GUCY1A2: variants seen among roughly 807,000 people sequenced by gnomAD.
GUCY1A2 encodes guanylate cyclase soluble subunit alpha-2.
In GUCY1A2, 27 loss-of-function variants were observed where a neutral mutation model predicts 63.5. The observed-to-expected ratio is 0.43, with a 90% CI of 0.31 to 0.59. GUCY1A2 has a LOEUF of 0.59. GUCY1A2 is among the 20% of genes least tolerant of loss of function. The pLI, the probability that GUCY1A2 is intolerant of heterozygous loss-of-function variation, is 0.11. For synonymous variants in GUCY1A2, 364 were observed against 343.5 expected (o/e 1.06, Z -0.66); for missense variants, 768 against 913.3 (o/e 0.84, Z 2.05).
chr11:106,965,325 T>G (rs1163093429), intron 3 of GUCY1A2, among the ~76,000 whole-genome samples: 3 of 152,170 alleles, frequency 2.0e-5, no homozygotes, highest in African/African-American at 7.2e-5. Flanking sequence ...ATTATAGACT[T>G]TAGCAAGGTA....
chr11:106,709,212 TTATA>T (rs902219292), intron 6 of GUCY1A2, among the ~76,000 whole-genome samples: 1 of 117,816 alleles, frequency 8.5e-6, no homozygotes, highest in Admixed American at 1.1e-4. Flanking sequence ...TACATGTATA[TTATA>T]TATAGTTATT....
intron 4 of GUCY1A2, among the ~76,000 whole-genome samples, chr11:106,886,612 C>A (rs1859903784): frequency 6.6e-6 from 1 of 151,778 alleles, no homozygotes; most frequent in Non-Finnish European, 1.5e-5. Context: ...TAAATATATA[C>A]AAATATTTAT....
intron 3 of GUCY1A2, among the ~76,000 whole-genome samples, chr11:106,958,033 G>T (rs530593574): frequency 3.8e-4 from 58 of 152,174 alleles, no homozygotes; most frequent in African/African-American, 1.3e-3. Flanking sequence ...GATGTTAAGA[G>T]TGACAGAAAT....
intron 1 of GUCY1A2, among the ~76,000 whole-genome samples, chr11:107,016,884 G>A (rs1247983241): frequency 6.6e-6 from 1 of 152,180 alleles, no homozygotes; most frequent in African/African-American, 2.4e-5. Context: ...AGGTACAGGT[G>A]CAAGAAGTAC....
In GUCY1A2 at chr11:106,801,823, C is replaced by T. The variant is rs10047452; in HGVS notation, c.1692+8170G>A. On this transcript the variant is annotated intron_variant, in intron 5 of 7. Coordinates refer to ENST00000526355, the MANE Select transcript of GUCY1A2 (RefSeq NM_000855.3). ...TGCATGCCTGTATCAAAACATCTCA[C>T]GTACTCCATAAATACATACTCCTAC... Among the ~76,000 whole-genome samples, 1,147 of 152,174 alleles carry T rather than the reference C, an allele frequency of 7.5e-3. 21 individuals carry two copies. Among genetic ancestry groups the T allele is most frequent in the African/African-American group, 0.026 (1,092 of 41,516 alleles).
chr11:106,954,280 T>C (rs998498806), intron 3 of GUCY1A2, among the ~76,000 whole-genome samples: 2 of 152,198 alleles, frequency 1.3e-5, no homozygotes, highest in African/African-American at 4.8e-5. Context: ...CCGGGAGTCA[T>C]TCAGGAACAA....
chr11:106,991,875 A>G (rs1364069910), intron 1 of GUCY1A2, among the ~76,000 whole-genome samples: 1 of 152,364 alleles, frequency 6.6e-6, no homozygotes, highest in South Asian at 2.1e-4. Context: ...AGCTAGAATG[A>G]CTACCGTGTT....
chr11:106,785,036 G>T (rs879829104), intron 5 of GUCY1A2, among the ~76,000 whole-genome samples: 1 of 152,120 alleles, frequency 6.6e-6, no homozygotes, highest in Non-Finnish European at 1.5e-5. Flanking sequence ...CCTTGCATAG[G>T]CTCAGGAAAA....
At chr11:106,854,777 G>A (rs1405653476) in intron 4 of GUCY1A2, among the ~76,000 whole-genome samples, 1 of 152,158 alleles carries the variant, frequency 6.6e-6, no homozygotes, top group Non-Finnish European at 1.5e-5. Context: ...GCCCTATGAA[G>A]GTGCACACAG....
intron 6 of GUCY1A2, among the ~76,000 whole-genome samples, chr11:106,716,518 G>A (rs1237588643): frequency 5.3e-5 from 8 of 152,062 alleles, no homozygotes; most frequent in Admixed American, 4.6e-4. Flanking sequence ...GCTTTCTCCC[G>A]TTCTCAGCTC....
chr11:106,738,909 T>A (rs2135377223), intron 6 of GUCY1A2, among the ~76,000 whole-genome samples: 1 of 152,214 alleles, frequency 6.6e-6, no homozygotes, highest in Middle Eastern at 3.4e-3. Flanking sequence ...TTTAAAGTAG[T>A]TTTTTTCTAA....
At chr11:106,803,786 C>T (rs1177035104) in intron 5 of GUCY1A2, among the ~76,000 whole-genome samples, 1 of 152,144 alleles carries the variant, frequency 6.6e-6, no homozygotes, top group Non-Finnish European at 1.5e-5. Context: ...CCAACTAGTG[C>T]ACTCAAGATA....
intron 4 of GUCY1A2, among the ~76,000 whole-genome samples, chr11:106,937,774 A>C (rs12416852): frequency 0.04 from 6,080 of 152,250 alleles, 654 homozygotes; most frequent in East Asian, 0.29. Context: ...ATGATCAAAT[A>C]ATACTAATTC....
chr11:107,018,155 G>C lies in GUCY1A2; in HGVS notation c.-100C>G. On this transcript the variant is annotated 5_prime_UTR_variant, in exon 1 of 8. Coordinates refer to ENST00000526355, the MANE Select transcript of GUCY1A2 (RefSeq NM_000855.3). The stretch of plus-strand genomic sequence containing the variant: ...ACCGGCAAGCGACAACGTTAAGCGC[G>C]TCGGGGCCGCGGGGCGCTGCGGTCG... 2 of 655,052 alleles carry C rather than the reference G, an allele frequency of 3.1e-6. No individual in the cohort carries two copies. The highest frequency in any genetic ancestry group is 4.2e-6 in the Non-Finnish European group (2 of 476,606). 40.6% of individuals were successfully genotyped at this position (655,052 alleles called of 1,614,324 possible). A position where few individuals can be genotyped will look rare whatever the true frequency, so the allele number is the denominator to read the frequency against.
intron 7 of GUCY1A2, among the ~76,000 whole-genome samples, chr11:106,691,195 G>A (rs1237358167): frequency 6.6e-6 from 1 of 152,120 alleles, no homozygotes; most frequent in Non-Finnish European, 1.5e-5. Context: ...ATGGAGACGA[G>A]TAAGTGGGGA....
chr11:106,726,507 A>G lies in GUCY1A2; in HGVS notation c.1837-17841T>C, dbSNP rs191984884. ...AGCAAAAATTAAGTAGCACATTGGCAGATTGTATTTCTGTTTTAGAGTATT... is the reference window on the plus strand; with the variant it reads ...AGCAAAAATTAAGTAGCACATTGGCGGATTGTATTTCTGTTTTAGAGTATT... On this transcript the variant is annotated intron_variant, in intron 6 of 7. Transcript: ENST00000526355. Among the ~76,000 whole-genome samples, 601 of 152,318 alleles carry G rather than the reference A, an allele frequency of 3.9e-3. 7 individuals are homozygous for G. The highest frequency in any genetic ancestry group is 0.014 in the African/African-American group (579 of 41,570).
intron 4 of GUCY1A2, among the ~76,000 whole-genome samples, chr11:106,840,178 T>G (rs1859177023): frequency 6.6e-6 from 1 of 151,942 alleles, no homozygotes; most frequent in African/African-American, 2.4e-5. Context: ...GTGCCAAAAA[T>G]GATGATATTG....
chr11:106,725,482 T>A (rs1302469211), intron 6 of GUCY1A2, among the ~76,000 whole-genome samples: 1 of 152,160 alleles, frequency 6.6e-6, no homozygotes, highest in East Asian at 1.9e-4. Flanking sequence ...TGATATTTAT[T>A]TTCATGGTGT....
intron 5 of GUCY1A2, among the ~76,000 whole-genome samples, chr11:106,790,280 G>C (rs1864634793): frequency 6.6e-6 from 1 of 152,156 alleles, no homozygotes; most frequent in African/African-American, 2.4e-5. Context: ...CACCACCATA[G>C]GCCCACAGGG....
Sources: gnomAD v4.1 joint callset for allele counts (sites outside exome capture counted in the v4.1 genomes callset) on GRCh38, gnomAD v4.1.1 for gene constraint, MANE v1.5 for transcripts, NCBI Gene and HGNC (gene_info 2026-07-23, HGNC 2026-07-21) for gene names.